Variants in ZFPM2 observed in about 807,000 individuals in gnomAD.
The protein encoded by ZFPM2 is zinc finger protein, FOG family member 2, also known as zinc finger protein ZFPM2.
A neutral mutation model predicts 98.6 loss-of-function variants in ZFPM2; 20 were observed. That is an observed-to-expected ratio of 0.20 (90% CI 0.14 to 0.29). ZFPM2 has a LOEUF of 0.29. ZFPM2 is among the 10% of genes least tolerant of loss of function. The pLI is 1.00. For synonymous variants in ZFPM2, 518 were observed against 502.7 expected, an observed-to-expected ratio of 1.03 and a Z score of -0.41; for missense variants, 1,310 against 1,388.6, an observed-to-expected ratio of 0.94 and a Z score of 0.90.
chr8:105,515,834 T>A (rs1261242507), intron 3 of ZFPM2, among the ~76,000 whole-genome samples: 1 of 151,882 alleles, frequency 6.6e-6, no homozygotes, highest in Non-Finnish European at 1.5e-5. Context: ...AATATGAACA[T>A]TAACTCTGAT....
At chr8:105,695,562 G>A (rs772315927) in intron 5 of ZFPM2, among the ~76,000 whole-genome samples, 6 of 151,974 alleles carry the variant, frequency 3.9e-5, no homozygotes, top group Non-Finnish European at 7.4e-5. Flanking sequence ...GATTATTAGA[G>A]TTGGATTTCT....
intron 3 of ZFPM2, among the ~76,000 whole-genome samples, chr8:105,506,137 G>A (rs554748308): frequency 6.6e-6 from 1 of 152,124 alleles, no homozygotes; most frequent in African/African-American, 2.4e-5. Context: ...CATAATTTAA[G>A]ATAGTTTATT....
chr8:105,532,589 C>T (rs1446955366), intron 3 of ZFPM2, among the ~76,000 whole-genome samples: 2 of 152,072 alleles, frequency 1.3e-5, no homozygotes, highest in Non-Finnish European at 2.9e-5. Flanking sequence ...TACTATTTTC[C>T]CCCATGTTAA....
At chr8:105,339,534 A>G (rs1812388717) in intron 1 of ZFPM2, among the ~76,000 whole-genome samples, 1 of 151,912 alleles carries the variant, frequency 6.6e-6, no homozygotes, top group African/African-American at 2.4e-5. Context: ...TCAAATTGCT[A>G]GAGTGTTTTC....
chr8:105,443,326 C>CAAACAA (rs1812299133), intron 2 of ZFPM2, among the ~76,000 whole-genome samples: 1 of 122,588 alleles, frequency 8.2e-6, no homozygotes, highest in African/African-American at 3.3e-5. Context: ...AAACAAAAAA[C>CAAACAA]AAAAAAAAAA....
At chr8:105,604,207 A>G (rs1207309658) in intron 4 of ZFPM2, among the ~76,000 whole-genome samples, 1 of 151,946 alleles carries the variant, frequency 6.6e-6, no homozygotes, top group African/African-American at 2.4e-5. Flanking sequence ...CAGACCCTCA[A>G]ATCTGGGAGT....
At chr8:105,397,981 T>C (rs2129968523) in intron 1 of ZFPM2, among the ~76,000 whole-genome samples, 1 of 152,258 alleles carries the variant, frequency 6.6e-6, no homozygotes, top group Non-Finnish European at 1.5e-5. Flanking sequence ...CCACAGATAT[T>C]ATTTGTTAAC....
At chr8:105,630,606 A>G (rs564046925) in intron 4 of ZFPM2, among the ~76,000 whole-genome samples, 1 of 152,294 alleles carries the variant, frequency 6.6e-6, no homozygotes, top group Non-Finnish European at 1.5e-5. Context: ...CAGGCAAAAT[A>G]AATGTTTGCC....
chr8:105,706,669 T>C (rs1412495549), intron 5 of ZFPM2, among the ~76,000 whole-genome samples: 1 of 152,064 alleles, frequency 6.6e-6, no homozygotes, highest in African/African-American at 2.4e-5. Context: ...AACCTCCGCC[T>C]CCCAGGTTCA....
rs7007728 is a variant in ZFPM2 at position 105,608,586 on chromosome 8, T to G, written c.421-25660T>G. Among the ~76,000 whole-genome samples the G allele has an allele frequency of 5.8e-3, 876 of 150,478 alleles. 6 individuals carry two copies. Among genetic ancestry groups the G allele is most frequent in the African/African-American group, 0.017 (710 of 41,172 alleles). ...AGGCTAGAGAACACCAAGAGTTTTT[T>G]TTTTTTTTTTTTTTTTTAATCAGTG... On this transcript the variant is annotated intron_variant, in intron 4 of 7. Coordinates refer to ENST00000407775, the MANE Select transcript of ZFPM2 (RefSeq NM_012082.4).
chr8:105,594,971 G>GTTGT (rs889518180), intron 4 of ZFPM2, among the ~76,000 whole-genome samples: 7 of 152,072 alleles, frequency 4.6e-5, no homozygotes, highest in African/African-American at 1.7e-4. Flanking sequence ...TTCTATAAAA[G>GTTGT]TTGTTTCTTT....
chr8:105,773,033 C>A (rs1813016125), intron 5 of ZFPM2, among the ~76,000 whole-genome samples: 1 of 152,138 alleles, frequency 6.6e-6, no homozygotes, highest in Admixed American at 6.6e-5. Flanking sequence ...GGATTATAAA[C>A]CTTGGTGTAG....
At chr8:105,793,850 T>C (rs1586274217) in intron 6 of ZFPM2, among the ~76,000 whole-genome samples, 1 of 150,244 alleles carries the variant, frequency 6.7e-6, no homozygotes, top group East Asian at 1.9e-4. Flanking sequence ...CTGATACCCT[T>C]TCTTCTAGTT....
intron 5 of ZFPM2, among the ~76,000 whole-genome samples, chr8:105,774,685 A>G (rs1443352860): frequency 1.3e-5 from 2 of 152,208 alleles, no homozygotes; most frequent in Admixed American, 6.5e-5. Context: ...GTAAACCTTT[A>G]TGAAGGCATA....
intron 1 of ZFPM2, among the ~76,000 whole-genome samples, chr8:105,402,660 T>A (rs564050705): frequency 9.1e-4 from 138 of 152,146 alleles, no homozygotes; most frequent in African/African-American, 3.2e-3. Flanking sequence ...TTTGTTAAAT[T>A]AGTCCCAACA....
At chr8:105,524,909 C>T (rs1315069138) in intron 3 of ZFPM2, among the ~76,000 whole-genome samples, 5 of 151,978 alleles carry the variant, frequency 3.3e-5, no homozygotes, top group South Asian at 2.1e-4. Context: ...AGATAATGGT[C>T]GAGCTGTGGG....
chr8:105,536,197 G>A (rs944764526), intron 3 of ZFPM2, among the ~76,000 whole-genome samples: 2 of 151,980 alleles, frequency 1.3e-5, no homozygotes, highest in Non-Finnish European at 2.9e-5. Context: ...TAAAGACACC[G>A]GGTCATATTG....
At chr8:105,482,686 G>A (rs911632912) in intron 3 of ZFPM2, among the ~76,000 whole-genome samples, 1 of 151,862 alleles carries the variant, frequency 6.6e-6, no homozygotes, top group Non-Finnish European at 1.5e-5. Flanking sequence ...TTCCAAATAT[G>A]CAGACTTTAG....
intron 5 of ZFPM2, among the ~76,000 whole-genome samples, chr8:105,673,187 C>CTTTTTTTTTTTTTTTTTTTTTTTT (rs5893754): frequency 1.7e-4 from 15 of 87,526 alleles, no homozygotes; most frequent in South Asian, 9.3e-4. Flanking sequence ...AAATAGCATG[C>CTTTTTTTTTTTTTTTTTTTTTTTT]TTTTTTTTTT....
Sources: allele counts gnomAD v4.1 joint callset (sites outside exome capture counted in the v4.1 genomes callset), GRCh38; gene constraint gnomAD v4.1.1; transcripts MANE v1.5; gene names NCBI Gene and HGNC (gene_info 2026-07-23, HGNC 2026-07-21).